The following CHGB variants were observed in gnomAD, a reference collection of about 807,000 sequenced individuals.
The protein encoded by CHGB is chromogranin B, also known as secretogranin-1.
In CHGB, 46 loss-of-function variants were observed where a neutral mutation model predicts 69.9. The ratio of observed to expected loss-of-function variants is 0.66; its 90% CI spans 0.52 to 0.84. CHGB has a LOEUF of 0.84. CHGB is among the 40% of genes least tolerant of loss of function. CHGB has a pLI of 0.00. For missense variants in CHGB, 796 were observed against 822.2 expected, an observed-to-expected ratio of 0.97 and a Z score of 0.39; for synonymous variants, 312 against 298.2, an observed-to-expected ratio of 1.05 and a Z score of -0.48.
In CHGB at chr20:5,923,927, C is replaced by G. The variant is rs756405420; in HGVS notation, c.1783C>G (p.Leu595Val). The G allele has an allele frequency of 1.9e-6, 3 of 1,614,176 alleles. No homozygotes were observed. Among genetic ancestry groups the G allele is most frequent in the Non-Finnish European group, 2.5e-6 (3 of 1,180,032 alleles). The change falls in exon 4 of 5, where the codon CTG (leucine) becomes GTG (valine). Residue 595 changes from leucine to valine, a missense_variant. Leu to Val is a conservative substitution (Grantham distance 32). This residue lies in a region of CHGB where 274 missense variants were observed against 298.9 expected (regional missense o/e 0.92). Transcript: ENST00000378961. ...GAGAAACCTCGCCAGGGTCCCCAAGCTGGACCTGAAAAGGCAATATGACAG... is the reference window on the plus strand; with the variant it reads ...GAGAAACCTCGCCAGGGTCCCCAAGGTGGACCTGAAAAGGCAATATGACAG... ...EKRNLARVPK[L>V]DLKRQYDRVA...
chr20:5,915,765 C>T (rs2088472222), intron 1 of CHGB: 1 of 152,342 alleles, frequency 6.6e-6, no homozygotes, highest in Admixed American at 6.5e-5. Context: ...CCCTGTCACC[C>T]AGGCTGGAGT....
At chr20:5,919,986 C>T (rs1197923510) in intron 3 of CHGB, among the ~76,000 whole-genome samples, 2 of 152,094 alleles carry the variant, frequency 1.3e-5, no homozygotes, top group Non-Finnish European at 1.5e-5. Flanking sequence ...ATCTCTTTGA[C>T]TAGGGTTGAT....
At chr20:5,917,726 G>T in intron 3 of CHGB, 1 of 152,156 alleles carries the variant, frequency 6.6e-6, no homozygotes, top group Non-Finnish European at 1.5e-5. Flanking sequence ...TGTTATGCAT[G>T]AAGCCACACT....
rs565081859 is a variant in CHGB, at chr20:5,919,294, G to A, written c.190+2375G>A. 5.9e-5 allele frequency among the ~76,000 whole-genome samples: 9 copies of A among 152,306 alleles called. No individual in the cohort carries two copies. The East Asian group carries it at 7.7e-4, about 13-fold the overall frequency. On this transcript the variant is annotated intron_variant, in intron 3 of 4. Coordinates refer to ENST00000378961, the MANE Select transcript of CHGB (RefSeq NM_001819.3). The stretch of plus-strand genomic sequence containing the variant: ...TCTTTTGGTGTCTGTTGAGAGAGAC[G>A]TAGGGAAACTGGGAAAAATCAAATG...
chr20:5,915,639 G>C (rs1386847551), intron 1 of CHGB: 1 of 152,264 alleles, frequency 6.6e-6, no homozygotes, highest in Non-Finnish European at 1.5e-5. Flanking sequence ...GAGATACGGA[G>C]AGAGAGCCAC....
chr20:5,914,938 G>A (rs1001389858), intron 1 of CHGB, among the ~76,000 whole-genome samples: 1 of 152,178 alleles, frequency 6.6e-6, no homozygotes, highest in Non-Finnish European at 1.5e-5. Flanking sequence ...TAGGGGGTGG[G>A]GAATGTTTAA....
intron 1 of CHGB, among the ~76,000 whole-genome samples, chr20:5,913,046 T>A (rs910968676): frequency 5.3e-5 from 8 of 152,238 alleles, no homozygotes; most frequent in Non-Finnish European, 1.0e-4. Context: ...AGAATTGCTT[T>A]GCTTAGGAGG....
Position 5,923,014 on chromosome 20 carries a change from C to A in CHGB, c.870C>A (p.Pro290=), listed in dbSNP as rs113289710. ...RPRHHHGRSR[P]DRSSQGGSLP... is the part of the protein sequence containing the mutation. ...GACACCACCACGGGAGGAGCAGGCC[C>A]GACAGGTCCTCTCAAGGAGGGAGTC... The change falls in exon 4 of 5, where the codon CCC becomes CCA. Residue 290 remains proline, a synonymous_variant. Transcript: ENST00000378961. 8.7e-6 allele frequency: 14 copies of A among 1,611,598 alleles called. No homozygotes were observed. In the African/African-American group the frequency reaches 1.7e-4, roughly 20 times the overall value.
chr20:5,913,608 TTTTTC>T (rs143954799), intron 1 of CHGB, among the ~76,000 whole-genome samples: 24,589 of 138,066 alleles, frequency 0.18, 2,441 homozygotes, highest in East Asian at 0.33. Context: ...TTTATCTTTC[TTTTTC>T]TTTTCTTTTC....
chr20:5,923,793 A>G lies in CHGB; in HGVS notation c.1649A>G (p.Glu550Gly), dbSNP rs778517271. 1.2e-6 allele frequency: 2 copies of G among 1,614,216 alleles called. No individual in the cohort carries two copies. Among genetic ancestry groups the G allele is most frequent in the Non-Finnish European group, 1.7e-6 (2 of 1,180,018 alleles). Residue 550 changes from glutamate to glycine, a missense_variant, in exon 4 of 5, where the codon GAG becomes GGG. Around this residue, in one of 3 missense-constraint regions of CHGB, gnomAD observed 274 missense variants for 298.9 expected, o/e 0.92. Transcript: ENST00000378961. ...ATGAATGACAATTTTCTCGAGGGTG[A>G]GGAGGAAAATGAGCTGACCTTGAAC... ...DNMNDNFLEG[E>G]EENELTLNEK...
At chr20:5,917,883 C>T (rs780623420) in intron 3 of CHGB, 4 of 148,116 alleles carry the variant, frequency 2.7e-5, no homozygotes, top group Non-Finnish European at 4.4e-5. Flanking sequence ...ACCTGTAATC[C>T]CAGCACTTTG....
At chr20:5,924,174 T>C (rs1239611868) in intron 4 of CHGB, 74 bp downstream of exon 4, 8 of 1,454,868 alleles carry the variant, frequency 5.5e-6, no homozygotes, top group African/African-American at 1.4e-5. Flanking sequence ...GACTATCCGA[T>C]ATTCACGGGG....
rs71182109 is a variant in CHGB at position 5,918,810 on chromosome 20, TAAAAAAAAAAAAAAAAAAAAAA to T, written c.190+1905_190+1926del. Reference sequence around the variant, plus strand: ...CTCAGTGACAGAGCGAGTCTCTGTCTAAAAAAAAAAAAAAAAAAAAAAAAAAAAAAAAAAAGAGCAACCTGAA... The same window carrying T: ...CTCAGTGACAGAGCGAGTCTCTGTCTAAAAAAAAAAAAAGAGCAACCTGAA... On this transcript the variant is annotated intron_variant, in intron 3 of 4. Transcript: ENST00000378961. Among the ~76,000 whole-genome samples, 7 of 31,456 alleles carry T rather than the reference TAAAAAAAAAAAAAAAAAAAAAA, an allele frequency of 2.2e-4. 1 individual carries two copies. The South Asian group carries it at 0.016, about 72-fold the overall frequency. The allele number at this position is 31,456 out of a possible 152,430, so 20.6% of individuals were successfully genotyped here.
Position 5,924,018 on chromosome 20 carries a change from A to G in CHGB, c.1874A>G (p.Asp625Gly). The change falls in exon 4 of 5, where the codon GAT (aspartate) becomes GGT (glycine). Residue 625 changes from aspartate to glycine, a missense_variant. Transcript: ENST00000378961. ...KKSAEFPDFYDSEEPVSTHQE... is the reference protein window; with the variant it reads ...KKSAEFPDFYGSEEPVSTHQE... ...TCAGCTGAGTTTCCAGACTTCTATG[A>G]TTCTGAGGAGCCGGTGAGCACCCAC... is the stretch of plus-strand genomic sequence containing the variant. 1 of 1,613,942 alleles carries G rather than the reference A, an allele frequency of 6.2e-7. No individual in the cohort carries two copies. Among genetic ancestry groups the G allele is most frequent in the East Asian group, 2.2e-5 (1 of 44,876 alleles).
At chr20:5,916,405 T>A in intron 2 of CHGB, 33 bp downstream of exon 2, 1 of 1,553,742 alleles carries the variant, frequency 6.4e-7, no homozygotes, top group Non-Finnish European at 8.9e-7. Context: ...GAATCTAGAC[T>A]TGTGTCTAGA....
rs759990198 is a variant in CHGB at position 5,924,136 on chromosome 20, C to G, written c.1956+36C>G. On this transcript the variant is annotated intron_variant, in intron 4 of 4. Coordinates refer to ENST00000378961, the MANE Select transcript of CHGB (RefSeq NM_001819.3). ...GGGCTTCTGTTTAAAAGTACTTACT[C>G]TGGTCAATGTTAGCACATTATGTTC... 1.1e-5 allele frequency: 17 copies of G among 1,534,672 alleles called. No individual in the cohort carries two copies. In the East Asian group the frequency reaches 3.2e-4, roughly 29 times the overall value.
intron 3 of CHGB, among the ~76,000 whole-genome samples, chr20:5,920,676 T>C (rs895602786): frequency 6.6e-6 from 1 of 152,244 alleles, no homozygotes; most frequent in Admixed American, 6.5e-5. Flanking sequence ...CATTTTGGAA[T>C]CACACAAACA....
intron 1 of CHGB, among the ~76,000 whole-genome samples, chr20:5,912,838 T>C (rs2088454187): frequency 6.6e-6 from 1 of 152,172 alleles, no homozygotes; most frequent in Admixed American, 6.5e-5. Flanking sequence ...ATGAAGCTTT[T>C]ATTGGCAGCA....
chr20:5,917,011 A>T, intron 3 of CHGB, 92 bp downstream of exon 3: 1 of 1,163,236 alleles, frequency 8.6e-7, no homozygotes, highest in Non-Finnish European at 1.3e-6. Context: ...TCTACAAATG[A>T]CCTGGGGGCA....
Sources: gnomAD v4.1 joint callset for allele counts (sites outside exome capture counted in the v4.1 genomes callset) on GRCh38, gnomAD v4.1.1 for gene constraint, gnomAD v4.1.1 regional missense constraint, MANE v1.5 for transcripts, NCBI Gene and HGNC (gene_info 2026-07-23, HGNC 2026-07-21) for gene names.